RAD51B: variants seen among roughly 807,000 people sequenced by gnomAD.
The protein encoded by RAD51B is RAD51 paralog B, also known as DNA repair protein RAD51 homolog 2.
Under a neutral mutation model 42.2 loss-of-function variants are expected in RAD51B, and 38 were observed. That is an observed-to-expected ratio of 0.90 (90% confidence interval 0.70 to 1.18). The LOEUF (loss-of-function observed/expected upper bound fraction) is 1.18. RAD51B is among the 50% of genes most tolerant of loss of function. The pLI is 0.00. For synonymous variants in RAD51B, 154 were observed against 145.2 expected, an observed-to-expected ratio of 1.06 and a Z score of -0.43; for missense variants, 373 against 400.7, an observed-to-expected ratio of 0.93 and a Z score of 0.59.
chr14:68,257,244 G>A (rs1294492501), intron 7 of RAD51B, among the ~76,000 whole-genome samples: 2 of 151,988 alleles, frequency 1.3e-5, no homozygotes, highest in African/African-American at 2.4e-5. Flanking sequence ...GAATTTATTG[G>A]GAATAAGAAA....
At chr14:68,428,655 C>G (rs1342722197) in intron 9 of RAD51B, among the ~76,000 whole-genome samples, 2 of 144,982 alleles carry the variant, frequency 1.4e-5, no homozygotes, top group Non-Finnish European at 3.0e-5. Context: ...GCTTATGTCA[C>G]CTAGCATAAT....
chr14:68,315,705 G>A (rs998001733), intron 8 of RAD51B, among the ~76,000 whole-genome samples: 6 of 152,160 alleles, frequency 3.9e-5, no homozygotes, highest in Admixed American at 3.3e-4. Context: ...TGTATTTTTA[G>A]TAGAGACAGG....
chr14:68,283,387 T>G (rs1231173365), intron 7 of RAD51B, among the ~76,000 whole-genome samples: 2 of 152,190 alleles, frequency 1.3e-5, no homozygotes, highest in Admixed American at 6.5e-5. Flanking sequence ...GCTGGTAGGA[T>G]AGTTTCTTCC....
intron 10 of RAD51B, among the ~76,000 whole-genome samples, chr14:68,483,288 C>T (rs1225659007): frequency 1.3e-5 from 2 of 152,148 alleles, no homozygotes; most frequent in African/African-American, 4.8e-5. Flanking sequence ...TCCATATTCA[C>T]GCTTGTATAT....
intron 9 of RAD51B, among the ~76,000 whole-genome samples, chr14:68,420,998 T>C (rs1044722517): frequency 1.3e-5 from 2 of 152,248 alleles, no homozygotes; most frequent in Non-Finnish European, 2.9e-5. Flanking sequence ...CTGACTTTCC[T>C]GAACGATGAT....
intron 7 of RAD51B, among the ~76,000 whole-genome samples, chr14:68,267,476 C>A (rs1351831308): frequency 2.0e-5 from 3 of 151,988 alleles, no homozygotes; most frequent in African/African-American, 4.8e-5. Context: ...AAGAATTAGT[C>A]TTCTAGAATT....
intron 7 of RAD51B, among the ~76,000 whole-genome samples, chr14:68,234,645 A>T (rs1275102526): frequency 6.6e-6 from 1 of 152,330 alleles, no homozygotes; most frequent in South Asian, 2.1e-4. Context: ...AACAGTAAAT[A>T]TATGGTATAA....
intron 10 of RAD51B, among the ~76,000 whole-genome samples, chr14:68,526,554 G>A (rs945791866): frequency 2.6e-5 from 4 of 152,226 alleles, no homozygotes; most frequent in African/African-American, 9.6e-5. Context: ...CCTCCAGGAA[G>A]CAGGCTCCAG....
intron 7 of RAD51B, among the ~76,000 whole-genome samples, chr14:68,031,357 C>G (rs938010021): frequency 2.0e-5 from 3 of 152,138 alleles, no homozygotes; most frequent in African/African-American, 7.2e-5. Flanking sequence ...GCCCTTGATA[C>G]CTGGGGATGA....
chr14:68,514,194 A>G (rs1288834857), intron 10 of RAD51B, among the ~76,000 whole-genome samples: 1 of 152,222 alleles, frequency 6.6e-6, no homozygotes, highest in African/African-American at 2.4e-5. Flanking sequence ...ACATTTCCAC[A>G]GCATAACATG....
intron 7 of RAD51B, among the ~76,000 whole-genome samples, chr14:68,221,514 A>C (rs1237761399): frequency 6.6e-6 from 1 of 152,260 alleles, no homozygotes; most frequent in Non-Finnish European, 1.5e-5. Flanking sequence ...CTGGATCCTC[A>C]TCTCTAACCT....
At chr14:68,074,097 TTGACAATATTCTCAAA>T (rs1318303509) in intron 7 of RAD51B, among the ~76,000 whole-genome samples, 3 of 152,230 alleles carry the variant, frequency 2.0e-5, no homozygotes, top group Admixed American at 2.0e-4. Context: ...AAAATTTTTG[TTGACAATATTCTCAAA>T]TATGTTTTTC....
intron 9 of RAD51B, among the ~76,000 whole-genome samples, chr14:68,460,229 A>G (rs1309810874): frequency 6.6e-6 from 1 of 152,070 alleles, no homozygotes; most frequent in Non-Finnish European, 1.5e-5. Context: ...AAGCAGGTGG[A>G]TCACCTGAGG....
intron 11 of RAD51B, among the ~76,000 whole-genome samples, chr14:68,674,222 T>C (rs1242936449): frequency 6.6e-6 from 1 of 152,144 alleles, no homozygotes; most frequent in African/African-American, 2.4e-5. Flanking sequence ...TATATACGTG[T>C]ACACACATAT....
At chr14:67,872,996 A>C (rs567928714) in intron 5 of RAD51B, among the ~76,000 whole-genome samples, 263 of 152,292 alleles carry the variant, frequency 1.7e-3, no homozygotes, top group African/African-American at 6.1e-3. Context: ...CTAGAAGAAA[A>C]CCTAGGCATT....
chr14:68,577,331 G>A (rs1056778853), intron 10 of RAD51B, among the ~76,000 whole-genome samples: 2 of 152,104 alleles, frequency 1.3e-5, no homozygotes, highest in Admixed American at 6.5e-5. Context: ...TTCTCATCCT[G>A]TGGCCTTGTC....
intron 10 of RAD51B, among the ~76,000 whole-genome samples, chr14:68,642,947 A>G (rs1342329577): frequency 6.6e-6 from 1 of 152,144 alleles, no homozygotes; most frequent in East Asian, 1.9e-4. Context: ...ATTCCGTTGT[A>G]GTTTGAGAGA....
chr14:68,414,855 C>T (rs1426121188), intron 9 of RAD51B, among the ~76,000 whole-genome samples: 2 of 102,884 alleles, frequency 1.9e-5, no homozygotes, highest in African/African-American at 4.1e-5. Flanking sequence ...AACCCCATCT[C>T]TACTAAAAAA....
At chr14:68,476,993 C>T (rs1052168074) in intron 10 of RAD51B, among the ~76,000 whole-genome samples, 1 of 152,162 alleles carries the variant, frequency 6.6e-6, no homozygotes, top group Non-Finnish European at 1.5e-5. Context: ...TTTTGTTGCT[C>T]TCCAAATCAT....
Sources: gnomAD v4.1 joint callset for allele counts (sites outside exome capture counted in the v4.1 genomes callset) on GRCh38, gnomAD v4.1.1 for gene constraint, MANE v1.5 for transcripts, NCBI Gene and HGNC (gene_info 2026-07-23, HGNC 2026-07-21) for gene names.